Variants in ZNF536 observed in about 807,000 individuals in gnomAD.
The protein encoded by ZNF536 is zinc finger protein 536.
A neutral mutation model predicts 84.5 loss-of-function variants in ZNF536; 13 were observed. That is an observed-to-expected ratio of 0.15 (90% CI 0.10 to 0.24). The LOEUF is 0.24. Among genes scored for constraint, ZNF536 ranks in the 10% least tolerant of loss-of-function variants. ZNF536 has a pLI of 1.00. For missense variants in ZNF536, 1,536 were observed against 1,747.5 expected (o/e 0.88, Z 2.16); for synonymous variants, 811 against 742.5 (o/e 1.09, Z -1.50).
At chr19:30,558,303 G>A (rs921057214), downstream of ZNF536, among the ~76,000 whole-genome samples, 1 of 152,162 alleles carries the variant, frequency 6.6e-6, no homozygotes, top group African/African-American at 2.4e-5. Context: ...GTGGGGGGTG[G>A]GGGAGAGCCA....
chr19:30,595,482 C>A (rs1337795815), intron 1 of ZNF536, among the ~76,000 whole-genome samples: 1 of 151,928 alleles, frequency 6.6e-6, no homozygotes, highest in Non-Finnish European at 1.5e-5. Flanking sequence ...GATATGGGGT[C>A]TCTCTATGTT....
chr19:30,706,256 G>A (rs1324920919), intron 1 of ZNF536, among the ~76,000 whole-genome samples: 1 of 152,164 alleles, frequency 6.6e-6, no homozygotes, highest in African/African-American at 2.4e-5. Flanking sequence ...ATGCTGAGGC[G>A]GGTGGATCAC....
intron 2 of ZNF536, among the ~76,000 whole-genome samples, chr19:30,460,966 C>G (rs1034465991): frequency 2.0e-5 from 3 of 152,202 alleles, no homozygotes; most frequent in African/African-American, 7.2e-5. Context: ...TGCCTGCCCC[C>G]CAAACCTACA....
intron 1 of ZNF536, among the ~76,000 whole-genome samples, chr19:30,631,839 C>G (rs1424481254): frequency 1.3e-5 from 2 of 152,200 alleles, no homozygotes; most frequent in Non-Finnish European, 2.9e-5. Context: ...TCAGAGAGCA[C>G]TCGAGGATTA....
intron 1 of ZNF536, among the ~76,000 whole-genome samples, chr19:30,388,936 T>C (rs1170802670): frequency 1.3e-5 from 2 of 152,266 alleles, no homozygotes; most frequent in Non-Finnish European, 2.9e-5. Context: ...TGCAGAGGGC[T>C]CTATTTCCTG....
At chr19:30,567,887 G>T (rs1190285114) in intron 1 of ZNF536, among the ~76,000 whole-genome samples, 1 of 152,152 alleles carries the variant, frequency 6.6e-6, no homozygotes, top group Non-Finnish European at 1.5e-5. Flanking sequence ...AGCTTCCAGA[G>T]GTCGATGGCT....
intron 1 of ZNF536, among the ~76,000 whole-genome samples, chr19:30,385,927 G>A (rs898619675): frequency 6.6e-6 from 1 of 152,194 alleles, no homozygotes; most frequent in Admixed American, 6.5e-5. Context: ...CTGAAGGAGT[G>A]GCAGTGCCTG....
chr19:30,673,338 G>A (rs1440787924), intron 1 of ZNF536, among the ~76,000 whole-genome samples: 1 of 152,104 alleles, frequency 6.6e-6, no homozygotes, highest in Non-Finnish European at 1.5e-5. Context: ...CCTCTGCCTA[G>A]ATTCCAATAT....
At chr19:30,351,231 A>T (rs1223458204) in intron 2 of ZNF536, among the ~76,000 whole-genome samples, 2 of 152,214 alleles carry the variant, frequency 1.3e-5, no homozygotes, top group Non-Finnish European at 2.9e-5. Flanking sequence ...CCACATGATG[A>T]TGTCATCTAT....
At chr19:30,660,645 C>T (rs932677214) in intron 1 of ZNF536, among the ~76,000 whole-genome samples, 2 of 151,976 alleles carry the variant, frequency 1.3e-5, no homozygotes, top group Admixed American at 6.6e-5. Context: ...ATTCAATTAA[C>T]CTTCTTCTCA....
intron 1 of ZNF536, among the ~76,000 whole-genome samples, chr19:30,229,323 A>G (rs1015148536): frequency 6.6e-6 from 1 of 152,058 alleles, no homozygotes; most frequent in African/African-American, 2.4e-5. Context: ...AATGCCATCA[A>G]TCCTATAGCG....
chr19:30,673,610 A>G (rs1415380938), intron 1 of ZNF536, among the ~76,000 whole-genome samples: 4 of 152,168 alleles, frequency 2.6e-5, no homozygotes, highest in African/African-American at 9.6e-5. Flanking sequence ...CCAACCAGCC[A>G]CAGCCACCCT....
intron 1 of ZNF536, among the ~76,000 whole-genome samples, chr19:30,233,018 C>T (rs2023191914): frequency 6.6e-6 from 1 of 152,202 alleles, no homozygotes; most frequent in Non-Finnish European, 1.5e-5. Context: ...TTGGGGACTG[C>T]ACAAGCTGGT....
chr19:30,548,503 A>G lies in ZNF536; in HGVS notation c.2884A>G (p.Lys962Glu), dbSNP rs2146204246. ...TGGTGGTGAGGAGAAACCCAGTGGC[A>G]AGTCCTCCCAGAGGAAGTCCGAGAA... ...VDGGEEKPSG[K>E]SSQRKSEKSQ... The change falls in exon 4 of 5, where the codon AAG (lysine) becomes GAG (glutamate). Residue 962 changes from lysine (K) to glutamate (E), a missense_variant. Coordinates refer to ENST00000355537, the MANE Select transcript of ZNF536 (RefSeq NM_014717.3). 6.2e-7 allele frequency: 1 copy of G among 1,614,164 alleles called. No homozygotes were observed. Among genetic ancestry groups the G allele is most frequent in the Non-Finnish European group, 8.5e-7 (1 of 1,180,036 alleles).
chr19:30,389,286 A>G (rs1397809434), intron 1 of ZNF536, among the ~76,000 whole-genome samples: 1 of 152,100 alleles, frequency 6.6e-6, no homozygotes, highest in Non-Finnish European at 1.5e-5. Context: ...ACTCGTGTAT[A>G]GGGTACATTT....
At chr19:30,669,165 G>A (rs1481184141) in intron 1 of ZNF536, among the ~76,000 whole-genome samples, 1 of 152,248 alleles carries the variant, frequency 6.6e-6, no homozygotes, top group Admixed American at 6.5e-5. Context: ...ACAGTGGGGC[G>A]ATGCACAGGC....
chr19:30,529,495 C>T (rs12609580), intron 2 of ZNF536, among the ~76,000 whole-genome samples: 24,839 of 151,992 alleles, frequency 0.16, 2,820 homozygotes, highest in East Asian at 0.32. Flanking sequence ...CATTTTAATC[C>T]CCCCAACTCC....
At chr19:30,608,843 C>T (rs1162586092) in intron 1 of ZNF536, among the ~76,000 whole-genome samples, 1 of 152,170 alleles carries the variant, frequency 6.6e-6, no homozygotes, top group African/African-American at 2.4e-5. Context: ...TTCCTTGGTG[C>T]CTAAGGAGTG....
chr19:30,373,949 CGCCT>C (rs1189980891), intron 1 of ZNF536, among the ~76,000 whole-genome samples: 1 of 152,212 alleles, frequency 6.6e-6, no homozygotes, highest in Non-Finnish European at 1.5e-5. Flanking sequence ...ACCCGCCGCC[CGCCT>C]GTTTTCCGGG....
Sources: allele counts gnomAD v4.1 joint callset (sites outside exome capture counted in the v4.1 genomes callset), GRCh38; gene constraint gnomAD v4.1.1; transcripts MANE v1.5; gene names NCBI Gene and HGNC (gene_info 2026-07-23, HGNC 2026-07-21).